The following SLC25A21 variants were observed in gnomAD, a reference collection of about 807,000 sequenced individuals.
SLC25A21 encodes solute carrier family 25 member 21.
In SLC25A21, 47 loss-of-function variants were observed where a neutral mutation model predicts 43.8. That is an observed-to-expected ratio of 1.07 (90% CI 0.85 to 1.37). SLC25A21 has a LOEUF of 1.37. SLC25A21 is among the 40% of genes most tolerant of loss of function. The probability of loss-of-function intolerance (pLI) is 0.00; values close to 1 mark genes in which losing one functional copy is unlikely to be tolerated. For synonymous variants in SLC25A21, 131 were observed against 121.3 expected, an observed-to-expected ratio of 1.08 and a Z score of -0.52; for missense variants, 352 against 350.2, an observed-to-expected ratio of 1.00 and a Z score of -0.04.
At chr14:36,697,801 G>A (rs1883101969) in intron 7 of SLC25A21, among the ~76,000 whole-genome samples, 1 of 127,952 alleles carries the variant, frequency 7.8e-6, no homozygotes, top group Non-Finnish European at 1.6e-5. Context: ...TTGAGCCTAT[G>A]TGCATCTTTG....
chr14:37,102,079 A>G (rs1273144662), intron 1 of SLC25A21, among the ~76,000 whole-genome samples: 2 of 152,228 alleles, frequency 1.3e-5, no homozygotes, highest in South Asian at 2.1e-4. Flanking sequence ...GGAAAACAGT[A>G]TAACTTTATT....
In SLC25A21 at chr14:36,896,306, G is replaced by A. The variant is rs530854272; in HGVS notation, c.71-21302C>T. Among the ~76,000 whole-genome samples the A allele has an allele frequency of 9.1e-4, 138 of 152,226 alleles. 1 individual carries two copies. Among genetic ancestry groups the A allele is most frequent in the Middle Eastern group, 6.8e-3 (2 of 294 alleles). The stretch of plus-strand genomic sequence containing the variant: ...TTACCATTATGTAATGGCCTTCTTT[G>A]TCTCTTTTGATCTTTGTTGGTTTAA... On this transcript the variant is annotated intron_variant, in intron 1 of 9. Coordinates refer to ENST00000331299, the MANE Select transcript of SLC25A21 (RefSeq NM_030631.4).
chr14:36,744,170 C>T (rs1029593577), intron 3 of SLC25A21, among the ~76,000 whole-genome samples: 6 of 152,072 alleles, frequency 3.9e-5, no homozygotes, highest in African/African-American at 9.7e-5. Context: ...TCATTCCTCA[C>T]ATAATTAGAA....
At chr14:36,715,355 T>C (rs1179307847) in intron 6 of SLC25A21, among the ~76,000 whole-genome samples, 1 of 152,144 alleles carries the variant, frequency 6.6e-6, no homozygotes, top group African/African-American at 2.4e-5. Flanking sequence ...AATAGGAAAA[T>C]ATAGAATAAT....
intron 1 of SLC25A21, among the ~76,000 whole-genome samples, chr14:36,999,678 T>A (rs1960445936): frequency 6.6e-6 from 1 of 152,120 alleles, no homozygotes; most frequent in Non-Finnish European, 1.5e-5. Flanking sequence ...AAACTGCTCT[T>A]AAAAAGTAAA....
intron 1 of SLC25A21, among the ~76,000 whole-genome samples, chr14:36,921,552 A>G (rs1304675916): frequency 6.6e-6 from 1 of 152,178 alleles, no homozygotes; most frequent in Non-Finnish European, 1.5e-5. Flanking sequence ...TCATAAATAT[A>G]ATACTGAATT....
chr14:36,893,494 G>A (rs991634425), intron 1 of SLC25A21, among the ~76,000 whole-genome samples: 5 of 152,156 alleles, frequency 3.3e-5, no homozygotes, highest in South Asian at 4.1e-4. Context: ...TCTGTAGGTT[G>A]CCTGTTCACT....
intron 1 of SLC25A21, among the ~76,000 whole-genome samples, chr14:37,047,850 A>G (rs1476417169): frequency 6.6e-6 from 1 of 152,222 alleles, no homozygotes; most frequent in Non-Finnish European, 1.5e-5. Flanking sequence ...CCTCCAAGTT[A>G]TCTTTAACAG....
intron 1 of SLC25A21, among the ~76,000 whole-genome samples, chr14:36,936,626 G>A (rs1249642601): frequency 1.3e-5 from 2 of 152,160 alleles, no homozygotes; most frequent in Admixed American, 6.5e-5. Flanking sequence ...TTCAAAACAC[G>A]TGTGACTTTT....
intron 1 of SLC25A21, among the ~76,000 whole-genome samples, chr14:37,037,332 T>C (rs1472920690): frequency 6.6e-6 from 1 of 152,216 alleles, no homozygotes; most frequent in Non-Finnish European, 1.5e-5. Context: ...GTATCCACTA[T>C]TGAGTTTCCT....
At chr14:36,941,079 G>A (rs1463268872) in intron 1 of SLC25A21, among the ~76,000 whole-genome samples, 1 of 152,004 alleles carries the variant, frequency 6.6e-6, no homozygotes, top group Non-Finnish European at 1.5e-5. Flanking sequence ...CATAGGTCCG[G>A]AAAGTTCCTG....
At chr14:36,934,123 T>C (rs1892359493) in intron 1 of SLC25A21, among the ~76,000 whole-genome samples, 1 of 151,898 alleles carries the variant, frequency 6.6e-6, no homozygotes, top group South Asian at 2.1e-4. Flanking sequence ...TTATAATCTG[T>C]ATTTGGTTAA....
At chr14:36,902,963 C>G (rs1891434913) in intron 1 of SLC25A21, among the ~76,000 whole-genome samples, 1 of 152,044 alleles carries the variant, frequency 6.6e-6, no homozygotes, top group Non-Finnish European at 1.5e-5. Context: ...CCAGCTTGGG[C>G]AAAACAAACA....
intron 3 of SLC25A21, among the ~76,000 whole-genome samples, chr14:36,787,605 T>C (rs1188971835): frequency 6.6e-6 from 1 of 152,196 alleles, no homozygotes; most frequent in African/African-American, 2.4e-5. Flanking sequence ...ACACAATTCA[T>C]TTTATTCAAA....
intron 1 of SLC25A21, among the ~76,000 whole-genome samples, chr14:36,913,716 A>C (rs1891752946): frequency 6.6e-6 from 1 of 152,254 alleles, no homozygotes; most frequent in Non-Finnish European, 1.5e-5. Context: ...AGAACCTTTT[A>C]TAAATCATTT....
rs1321339179 is a variant in SLC25A21 at position 37,169,580 on chromosome 14, A to AAC, written c.70+2699_70+2700dup. ...TTGGCCTTTACAAACAAAAGGTCAT[A>AAC]ACACACACACACACACACACACACA... On this transcript the variant is annotated intron_variant, in intron 1 of 9. Coordinates refer to ENST00000331299, the MANE Select transcript of SLC25A21 (RefSeq NM_030631.4). 3.5e-3 allele frequency among the ~76,000 whole-genome samples: 510 copies of AAC among 145,270 alleles called. 3 individuals are homozygous for AAC. Among genetic ancestry groups the AAC allele is most frequent in the South Asian group, 0.012 (50 of 4,126 alleles).
At chr14:37,132,280 G>C (rs904297795) in intron 1 of SLC25A21, among the ~76,000 whole-genome samples, 1 of 152,058 alleles carries the variant, frequency 6.6e-6, no homozygotes, top group Non-Finnish European at 1.5e-5. Flanking sequence ...GAACTCTGGG[G>C]GGACACATTC....
intron 1 of SLC25A21, among the ~76,000 whole-genome samples, chr14:36,891,299 T>C (rs919837378): frequency 2.6e-5 from 4 of 152,190 alleles, no homozygotes; most frequent in Non-Finnish European, 5.9e-5. Flanking sequence ...ACCAAGGGCA[T>C]TGTAAATCCT....
chr14:36,932,962 C>A lies in SLC25A21; in HGVS notation c.71-57958G>T, dbSNP rs1012925151. 2.6e-5 allele frequency among the ~76,000 whole-genome samples: 4 copies of A among 152,076 alleles called. 1 individual carries two copies. On this transcript the variant is annotated intron_variant, in intron 1 of 9. Transcript: ENST00000331299. Reference sequence around the variant, plus strand: ...GTAAAAGCACATTAATTACTCTGAGCCTTAAAAAAAGAACTAAATAAATGT... The same window carrying A: ...GTAAAAGCACATTAATTACTCTGAGACTTAAAAAAAGAACTAAATAAATGT...
Sources: gnomAD v4.1 joint callset for allele counts (sites outside exome capture counted in the v4.1 genomes callset) on GRCh38, gnomAD v4.1.1 for gene constraint, MANE v1.5 for transcripts, NCBI Gene and HGNC (gene_info 2026-07-23, HGNC 2026-07-21) for gene names.